Variants in CNTNAP2 observed in about 807,000 individuals in gnomAD.
CNTNAP2 encodes contactin associated protein 2.
A neutral mutation model predicts 155.2 loss-of-function variants in CNTNAP2; 98 were observed. The observed-to-expected ratio is 0.63, with a 90% CI of 0.54 to 0.75. The LOEUF (loss-of-function observed/expected upper bound fraction) is 0.75, where lower values mean the gene tolerates loss of function less well. Among genes scored for constraint, CNTNAP2 ranks in the 30% least tolerant of loss-of-function variants. The pLI is 0.00. For synonymous variants in CNTNAP2, 651 were observed against 631.2 expected, an observed-to-expected ratio of 1.03 and a Z score of -0.47; for missense variants, 1,727 against 1,688.1, an observed-to-expected ratio of 1.02 and a Z score of -0.40.
intron 13 of CNTNAP2, among the ~76,000 whole-genome samples, chr7:147,887,840 T>A (rs539478302): frequency 2.6e-5 from 4 of 152,212 alleles, no homozygotes; most frequent in African/African-American, 9.6e-5. Context: ...TAGCTCAGAG[T>A]ACAAAGAAGA....
intron 8 of CNTNAP2, among the ~76,000 whole-genome samples, chr7:147,221,440 G>C (rs1803396963): frequency 6.6e-6 from 1 of 152,066 alleles, no homozygotes; most frequent in African/African-American, 2.4e-5. Flanking sequence ...CAGCAGTGAT[G>C]CTGGGCTGCA....
intron 1 of CNTNAP2, among the ~76,000 whole-genome samples, chr7:146,238,925 C>T (rs1043090247): frequency 4.6e-5 from 7 of 152,172 alleles, no homozygotes; most frequent in Non-Finnish European, 7.3e-5. Flanking sequence ...GGGGAAACCA[C>T]GCCCATGATT....
At chr7:146,246,802 A>T (rs558147987) in intron 1 of CNTNAP2, among the ~76,000 whole-genome samples, 1 of 152,126 alleles carries the variant, frequency 6.6e-6, no homozygotes, top group African/African-American at 2.4e-5. Flanking sequence ...CCTGGGCTGC[A>T]GGCATTCCTT....
chr7:146,469,943 G>A (rs373622290), intron 1 of CNTNAP2, among the ~76,000 whole-genome samples: 2 of 151,306 alleles, frequency 1.3e-5, no homozygotes, highest in African/African-American at 2.4e-5. Flanking sequence ...GGGTTCACGC[G>A]GTTCTCCTGC....
At chr7:146,627,792 A>G (rs753877987) in intron 1 of CNTNAP2, among the ~76,000 whole-genome samples, 4 of 152,162 alleles carry the variant, frequency 2.6e-5, no homozygotes, top group African/African-American at 4.8e-5. Context: ...ATATAAATGC[A>G]TGAAAATTTA....
At chr7:146,129,384 A>G (rs901212755) in intron 1 of CNTNAP2, among the ~76,000 whole-genome samples, 6 of 152,274 alleles carry the variant, frequency 3.9e-5, no homozygotes, top group Admixed American at 3.9e-4. Flanking sequence ...CAGTATTCAG[A>G]GGATCTCTCA....
chr7:147,283,925 G>A (rs927934038), intron 8 of CNTNAP2, among the ~76,000 whole-genome samples: 1 of 151,464 alleles, frequency 6.6e-6, no homozygotes, highest in Admixed American at 6.6e-5. Context: ...ATTCTATGAC[G>A]TTACCAGGAC....
intron 15 of CNTNAP2, among the ~76,000 whole-genome samples, chr7:148,059,740 T>A (rs1803097508): frequency 6.7e-6 from 1 of 148,924 alleles, no homozygotes; most frequent in South Asian, 2.1e-4. Context: ...TGCATATTTA[T>A]ACTATACATA....
At chr7:147,162,593 T>C (rs1005822091) in intron 8 of CNTNAP2, among the ~76,000 whole-genome samples, 1 of 152,176 alleles carries the variant, frequency 6.6e-6, no homozygotes, top group Non-Finnish European at 1.5e-5. Context: ...CACTTTATTT[T>C]CTTTGTTCCC....
At position 146,930,930 on chromosome 7, in the gene CNTNAP2, A is replaced by T. The variant is rs1796739340; in HGVS notation, c.402+91026A>T. On this transcript the variant is annotated intron_variant, in intron 3 of 23. Coordinates refer to ENST00000361727, the MANE Select transcript of CNTNAP2 (RefSeq NM_014141.6). Reference sequence around the variant, plus strand: ...ACCCAATACAGGAGCACCCAGATTCATAAAGCAAGTCCTGAGTGACCTACA... The same window carrying T: ...ACCCAATACAGGAGCACCCAGATTCTTAAAGCAAGTCCTGAGTGACCTACA... Among the ~76,000 whole-genome samples, 3 of 152,334 alleles carry T rather than the reference A, an allele frequency of 2.0e-5. No individual in the cohort carries two copies. The South Asian group carries it at 6.2e-4, about 32-fold the overall frequency.
intron 13 of CNTNAP2, among the ~76,000 whole-genome samples, chr7:147,832,531 ATTT>A (rs200878906): frequency 0.01 from 1,459 of 145,852 alleles, 73 homozygotes; most frequent in Admixed American, 0.082. Flanking sequence ...ATTTCAATAT[ATTT>A]TTATATTTCA....
intron 10 of CNTNAP2, among the ~76,000 whole-genome samples, chr7:147,404,445 G>C (rs1796968830): frequency 6.6e-6 from 1 of 152,132 alleles, no homozygotes; most frequent in African/African-American, 2.4e-5. Flanking sequence ...GATTCTTTCA[G>C]GTAGATACGT....
At chr7:147,513,032 A>G (rs897821640) in intron 11 of CNTNAP2, among the ~76,000 whole-genome samples, 1 of 152,218 alleles carries the variant, frequency 6.6e-6, no homozygotes, top group Non-Finnish European at 1.5e-5. Flanking sequence ...AGAAAAAAAC[A>G]TAAAGTGATA....
intron 3 of CNTNAP2, among the ~76,000 whole-genome samples, chr7:146,856,213 T>C (rs1459475392): frequency 6.6e-6 from 1 of 151,762 alleles, no homozygotes; most frequent in Non-Finnish European, 1.5e-5. Context: ...CTTAAGTCTA[T>C]AGAGATGATA....
intron 10 of CNTNAP2, among the ~76,000 whole-genome samples, chr7:147,433,322 A>G (rs1797496203): frequency 6.6e-6 from 1 of 152,240 alleles, no homozygotes. Context: ...CTACCTCACA[A>G]TATGACATGG....
At chr7:147,987,855 C>A (rs1297634724) in intron 15 of CNTNAP2, among the ~76,000 whole-genome samples, 1 of 151,962 alleles carries the variant, frequency 6.6e-6, no homozygotes, top group Non-Finnish European at 1.5e-5. Flanking sequence ...CCACCACACC[C>A]CGCTAATTTT....
intron 11 of CNTNAP2, among the ~76,000 whole-genome samples, chr7:147,520,845 C>T (rs1392684219): frequency 6.6e-6 from 1 of 152,178 alleles, no homozygotes; most frequent in Non-Finnish European, 1.5e-5. Context: ...AAGGCCCATG[C>T]TCAGCTTCCG....
chr7:147,285,602 C>G (rs1805158272), intron 8 of CNTNAP2, among the ~76,000 whole-genome samples: 2 of 151,854 alleles, frequency 1.3e-5, no homozygotes, highest in South Asian at 4.1e-4. Flanking sequence ...TTTAAAAATA[C>G]TTTTTGCATT....
chr7:146,496,961 T>A (rs2129132390), intron 1 of CNTNAP2, among the ~76,000 whole-genome samples: 1 of 152,290 alleles, frequency 6.6e-6, no homozygotes, highest in Admixed American at 6.5e-5. Flanking sequence ...ATTCAGAAAC[T>A]TCCCATTGGA....
Sources: allele counts gnomAD v4.1 joint callset (sites outside exome capture counted in the v4.1 genomes callset), GRCh38; gene constraint gnomAD v4.1.1; transcripts MANE v1.5; gene names NCBI Gene and HGNC (gene_info 2026-07-23, HGNC 2026-07-21).